Variants in SAMD4A observed in about 807,000 individuals in gnomAD.
SAMD4A encodes the protein protein Smaug homolog 1.
A neutral mutation model predicts 81.3 loss-of-function variants in SAMD4A; 33 were observed. The observed-to-expected ratio is 0.41, with a 90% CI of 0.31 to 0.54. The LOEUF (loss-of-function observed/expected upper bound fraction) is 0.54. Among genes scored for constraint, SAMD4A ranks in the 20% least tolerant of loss-of-function variants. The pLI, the probability that SAMD4A is intolerant of heterozygous loss-of-function variation, is 0.37. For synonymous variants in SAMD4A, 389 were observed against 382.1 expected, an observed-to-expected ratio of 1.02 and a Z score of -0.21; for missense variants, 854 against 951.1, an observed-to-expected ratio of 0.90 and a Z score of 1.34.
At chr14:54,696,460 G>T (rs999417411) in intron 2 of SAMD4A, among the ~76,000 whole-genome samples, 2 of 152,230 alleles carry the variant, frequency 1.3e-5, no homozygotes, top group African/African-American at 4.8e-5. Context: ...TACTTCTTCT[G>T]TGTGTGCATT....
intron 4 of SAMD4A, among the ~76,000 whole-genome samples, chr14:54,747,154 A>G (rs533424171): frequency 4.6e-5 from 7 of 152,342 alleles, no homozygotes; most frequent in African/African-American, 1.7e-4. Flanking sequence ...AATAATGGTC[A>G]CAGAGGGACT....
intron 2 of SAMD4A, among the ~76,000 whole-genome samples, chr14:54,640,368 A>T (rs1462629986): frequency 6.6e-6 from 1 of 152,148 alleles, no homozygotes; most frequent in African/African-American, 2.4e-5. Context: ...AGAGGTCCCT[A>T]TTGACACAGA....
At chr14:54,765,617 A>G (rs1485083452) in intron 8 of SAMD4A, among the ~76,000 whole-genome samples, 1 of 151,866 alleles carries the variant, frequency 6.6e-6, no homozygotes, top group African/African-American at 2.4e-5. Flanking sequence ...ACACAGTGAG[A>G]CTTGTCTCGG....
rs199520729 is a variant in SAMD4A, at chr14:54,635,681, G to A, written c.197-66381G>A. 2.5e-4 allele frequency among the ~76,000 whole-genome samples: 38 copies of A among 151,544 alleles called. No homozygotes were observed. In the East Asian group the frequency reaches 7.0e-3, roughly 28 times the overall value. ...GAGAATCACTTGAACCCAGGAGGTG[G>A]AGTTTGCAGTGAGCCGAGATTGCAC... On this transcript the variant is annotated intron_variant, in intron 2 of 12. Transcript: ENST00000554335.
At chr14:54,677,289 T>C (rs887109344) in intron 2 of SAMD4A, among the ~76,000 whole-genome samples, 1 of 152,228 alleles carries the variant, frequency 6.6e-6, no homozygotes, top group African/African-American at 2.4e-5. Flanking sequence ...TATAATTGGG[T>C]GGATCTATGT....
At chr14:54,578,670 C>A (rs2033378052) in intron 2 of SAMD4A, among the ~76,000 whole-genome samples, 1 of 151,804 alleles carries the variant, frequency 6.6e-6, no homozygotes, top group African/African-American at 2.4e-5. Context: ...CGAGATCGCA[C>A]CACTGCACTC....
intron 2 of SAMD4A, among the ~76,000 whole-genome samples, chr14:54,679,389 A>C (rs1180633926): frequency 6.6e-6 from 1 of 152,224 alleles, no homozygotes; most frequent in Non-Finnish European, 1.5e-5. Context: ...AATGAATTAT[A>C]TGAAAAACAG....
At chr14:54,754,091 C>T (rs555895140) in intron 6 of SAMD4A, among the ~76,000 whole-genome samples, 4 of 152,300 alleles carry the variant, frequency 2.6e-5, no homozygotes, top group African/African-American at 9.6e-5. Flanking sequence ...GGAAGCGCAC[C>T]CACCTGGGAG....
intron 2 of SAMD4A, 86 bp downstream of exon 2, chr14:54,568,198 C>T (rs954288462): frequency 1.7e-6 from 2 of 1,210,810 alleles, no homozygotes; most frequent in Non-Finnish European, 2.1e-6. Context: ...CAGGCCGAGG[C>T]CAGTCCCTGC....
chr14:54,711,528 C>CT (rs2036989094), intron 3 of SAMD4A, among the ~76,000 whole-genome samples: 1 of 152,098 alleles, frequency 6.6e-6, no homozygotes, highest in Admixed American at 6.6e-5. Context: ...TTGGGGGAAG[C>CT]TGGGTGATGG....
chr14:54,762,572 C>T (rs1036344875), intron 7 of SAMD4A, among the ~76,000 whole-genome samples: 2 of 152,198 alleles, frequency 1.3e-5, no homozygotes, highest in African/African-American at 4.8e-5. Context: ...ACAGCTCTGC[C>T]AAGCCCAAGT....
intron 2 of SAMD4A, among the ~76,000 whole-genome samples, chr14:54,637,365 C>CA (rs1172084217): frequency 0.25 from 16,044 of 63,366 alleles, 2,669 homozygotes; most frequent in East Asian, 0.51. Context: ...AACTCCATCT[C>CA]AAAAAAAAAA....
At chr14:54,715,969 G>C (rs556867104) in intron 3 of SAMD4A, among the ~76,000 whole-genome samples, 3 of 152,038 alleles carry the variant, frequency 2.0e-5, no homozygotes, top group Admixed American at 2.0e-4. Context: ...AAAAATCAGA[G>C]GATCACCAAG....
chr14:54,670,294 C>A (rs1223946441), intron 2 of SAMD4A, among the ~76,000 whole-genome samples: 3 of 152,188 alleles, frequency 2.0e-5, no homozygotes, highest in East Asian at 1.9e-4. Flanking sequence ...GGTTACCGTT[C>A]ATCTGGTTTC....
At chr14:54,571,752 T>C (rs2033135047) in intron 2 of SAMD4A, among the ~76,000 whole-genome samples, 1 of 152,214 alleles carries the variant, frequency 6.6e-6, no homozygotes, top group Non-Finnish European at 1.5e-5. Context: ...ATTACTCTTA[T>C]TCTAGACACA....
At position 54,790,803 on chromosome 14, in the gene SAMD4A, A is replaced by AAG. The variant is rs2039247015; in HGVS notation, c.*1860_*1861insGA. The AAG allele has an allele frequency of 6.6e-6, 1 of 151,898 alleles. No individual in the cohort carries two copies. The highest frequency in any genetic ancestry group is 2.4e-5 in the African/African-American group (1 of 41,332). The allele number at this position is 151,898 out of a possible 1,614,324, so 9.4% of individuals were successfully genotyped here. A position where few individuals can be genotyped will look rare whatever the true frequency, so the allele number is the denominator to read the frequency against. On this transcript the variant is annotated 3_prime_UTR_variant, in exon 13 of 13. Transcript: ENST00000554335. ...ACTACATACAGACCTAAAAGGCCTT[A>AAG]ATGAAATCCGAACAATTTTCTTTTA...
intron 2 of SAMD4A, 139 bp from the exon 3 acceptor site, chr14:54,701,923 T>G: frequency 1.1e-6 from 1 of 913,982 alleles, no homozygotes; most frequent in Non-Finnish European, 1.6e-6. Context: ...TTAACCAATC[T>G]GATTCACAGG....
At chr14:54,607,644 C>T (rs1304529835) in intron 2 of SAMD4A, among the ~76,000 whole-genome samples, 8 of 151,574 alleles carry the variant, frequency 5.3e-5, no homozygotes, top group Non-Finnish European at 8.8e-5. Context: ...TTAGTAGAGA[C>T]AGGGTTTCAC....
intron 2 of SAMD4A, among the ~76,000 whole-genome samples, chr14:54,671,581 G>C (rs1326257152): frequency 1.3e-5 from 2 of 152,214 alleles, no homozygotes; most frequent in African/African-American, 4.8e-5. Flanking sequence ...CACAGGGTTA[G>C]AGAAGGTGAG....
Sources: gnomAD v4.1 joint callset for allele counts (sites outside exome capture counted in the v4.1 genomes callset) on GRCh38, gnomAD v4.1.1 for gene constraint, MANE v1.5 for transcripts, NCBI Gene and HGNC (gene_info 2026-07-23, HGNC 2026-07-21) for gene names.